SNAP29: variants seen among roughly 807,000 people sequenced by gnomAD.
The protein encoded by SNAP29 is synaptosomal-associated protein 29.
In SNAP29, 13 loss-of-function variants were observed where a neutral mutation model predicts 27.9. The ratio of observed to expected loss-of-function variants is 0.47; its 90% confidence interval spans 0.30 to 0.74. SNAP29 has a LOEUF of 0.74. SNAP29 is among the 30% of genes least tolerant of loss of function. The pLI, the probability that SNAP29 is intolerant of heterozygous loss-of-function variation, is 0.06. For missense variants in SNAP29, 368 were observed against 336.5 expected (o/e 1.09, Z -0.73); for synonymous variants, 119 against 127.1 (o/e 0.94, Z 0.43).
intron 2 of SNAP29, among the ~76,000 whole-genome samples, chr22:20,875,394 C>G (rs1326397337): frequency 6.6e-6 from 1 of 152,226 alleles, no homozygotes; most frequent in Non-Finnish European, 1.5e-5. Context: ...CACCCACACT[C>G]TGCAGTTCTG....
Position 20,859,130 on chromosome 22 carries a change from G to C in SNAP29, c.20G>C (p.Ser7Thr). 1.9e-6 allele frequency: 3 copies of C among 1,607,958 alleles called. No individual in the cohort carries two copies. The highest frequency in any genetic ancestry group is 4.5e-5 in the East Asian group (2 of 44,740). MSAYPK[S>T]YNPFDDDGED... The stretch of plus-strand genomic sequence containing the variant: ...GGCACCATGTCAGCTTACCCTAAAA[G>C]CTACAATCCGTTCGACGACGACGGG... Residue 7 changes from serine (S) to threonine (T), a missense_variant, in exon 1 of 5, where the codon AGC (serine) becomes ACC (threonine). By Grantham distance (58) the Ser-to-Thr change is moderately conservative. Coordinates refer to ENST00000215730, the MANE Select transcript of SNAP29 (RefSeq NM_004782.4).
intron 2 of SNAP29, among the ~76,000 whole-genome samples, chr22:20,871,259 TAGG>T (rs1039538455): frequency 6.7e-6 from 1 of 149,810 alleles, no homozygotes; most frequent in African/African-American, 2.5e-5. Context: ...GAGGCTAAGG[TAGG>T]AGGATTGTTT....
chr22:20,883,711 C>A, intron 4 of SNAP29, 142 bp downstream of exon 4: 1 of 713,542 alleles, frequency 1.4e-6, no homozygotes. Flanking sequence ...TCCATCTTGC[C>A]ACCTCACTGT....
intron 2 of SNAP29, 81 bp from the exon 3 acceptor site, chr22:20,880,968 A>G: frequency 1.1e-6 from 1 of 890,446 alleles, no homozygotes; most frequent in Non-Finnish European, 1.9e-6. Flanking sequence ...GCACACAGGC[A>G]TTATGTGAAA....
At chr22:20,874,352 CA>C (rs1569117991) in intron 2 of SNAP29, among the ~76,000 whole-genome samples, 87 of 53,686 alleles carry the variant, frequency 1.6e-3, no homozygotes, top group East Asian at 0.013. Flanking sequence ...AAATTAGCCA[CA>C]CACACACACA....
chr22:20,875,997 TA>T (rs551060194), intron 2 of SNAP29, among the ~76,000 whole-genome samples: 182 of 151,872 alleles, frequency 1.2e-3, no homozygotes, highest in Non-Finnish European at 2.4e-3. Context: ...CCGTCTCTAC[TA>T]AAAATACAAA....
intron 4 of SNAP29, among the ~76,000 whole-genome samples, chr22:20,887,442 C>T (rs890120333): frequency 6.6e-6 from 1 of 151,942 alleles, no homozygotes; most frequent in Non-Finnish European, 1.5e-5. Context: ...CTCCCTACCC[C>T]CAGCGTGCAC....
At chr22:20,860,382 T>C (rs931456713) in intron 1 of SNAP29, among the ~76,000 whole-genome samples, 4 of 150,366 alleles carry the variant, frequency 2.7e-5, no homozygotes. Flanking sequence ...TTTTTTTTTT[T>C]TTTTTGAGAT....
At chr22:20,861,506 C>G (rs957623842) in intron 1 of SNAP29, among the ~76,000 whole-genome samples, 1 of 151,454 alleles carries the variant, frequency 6.6e-6, no homozygotes, top group Non-Finnish European at 1.5e-5. Context: ...GGTGTGATCT[C>G]GGCTCACTGC....
chr22:20,879,700 G>C (rs567089648), intron 2 of SNAP29, among the ~76,000 whole-genome samples: 4 of 151,470 alleles, frequency 2.6e-5, no homozygotes, highest in Admixed American at 2.6e-4. Flanking sequence ...ACAAAAAATA[G>C]CCAGGTGTGG....
intron 1 of SNAP29, among the ~76,000 whole-genome samples, chr22:20,862,133 T>G (rs1187474499): frequency 6.6e-6 from 1 of 152,200 alleles, no homozygotes; most frequent in African/African-American, 2.4e-5. Flanking sequence ...ATTCCTATGT[T>G]CCATTCTAAA....
Position 20,861,481 on chromosome 22 carries a change from A to G in SNAP29, c.237+2134A>G, listed in dbSNP as rs192861378. Among the ~76,000 whole-genome samples the G allele has an allele frequency of 3.5e-4, 53 of 152,110 alleles. 1 individual carries two copies. The East Asian group carries it at 0.01, about 30-fold the overall frequency. ...GAGACAAAGTCTTACTCTGTCACCC[A>G]GGCTGGAGTGCGATGGTGTGATCTC... is the stretch of plus-strand genomic sequence containing the variant. On this transcript the variant is annotated intron_variant, in intron 1 of 4. Transcript: ENST00000215730.
intron 1 of SNAP29, among the ~76,000 whole-genome samples, chr22:20,862,002 T>C (rs1462396307): frequency 6.6e-6 from 1 of 152,154 alleles, no homozygotes; most frequent in Admixed American, 6.5e-5. Context: ...ACGCCTGACC[T>C]TAGGTGATCT....
Position 20,888,193 on chromosome 22 carries a change from C to T in SNAP29, c.*357C>T. On this transcript the variant is annotated 3_prime_UTR_variant, in exon 5 of 5. Transcript: ENST00000215730. ...GGGAACAGAATTTCAGTCTTGCAGC[C>T]ATGAGCCTCTATTTCTCATTCCTAA... 1 of 347,204 alleles carries T rather than the reference C, an allele frequency of 2.9e-6. No homozygotes were observed. Among genetic ancestry groups the T allele is most frequent in the Non-Finnish European group, 5.6e-6 (1 of 180,152 alleles). The allele number at this position is 347,204 out of a possible 1,614,324, so 21.5% of individuals were successfully genotyped here.
intron 2 of SNAP29, among the ~76,000 whole-genome samples, chr22:20,879,108 C>T (rs985616092): frequency 2.6e-5 from 4 of 151,964 alleles, no homozygotes; most frequent in Admixed American, 2.6e-4. Context: ...GAGATCGAGA[C>T]CATTCCGGCT....
intron 2 of SNAP29, 104 bp from the exon 3 acceptor site, chr22:20,880,945 C>G: frequency 1.3e-6 from 1 of 757,198 alleles, no homozygotes; most frequent in Admixed American, 2.1e-5. Context: ...ACAGAGGAGG[C>G]ATTTGATTTT....
rs361606 is a variant in SNAP29 at position 20,890,758 on chromosome 22, CAAAAAA to C, written c.*2939_*2944del. 2 of 88,618 alleles carry C rather than the reference CAAAAAA, an allele frequency of 2.3e-5. No homozygotes were observed. Among genetic ancestry groups the C allele is most frequent in the Admixed American group, 1.5e-4 (1 of 6,832 alleles). 5.5% of individuals were successfully genotyped at this position (88,618 alleles called of 1,614,324 possible). On this transcript the variant is annotated 3_prime_UTR_variant, in exon 5 of 5. Coordinates refer to ENST00000215730, the MANE Select transcript of SNAP29 (RefSeq NM_004782.4). ...TGGGCAACAGAGCAAGACTCCGTCT[CAAAAAA>C]AAAAAAAAAAAAAAAATAGTGCACT...
In SNAP29 at chr22:20,887,759, C is replaced by T; in HGVS notation, c.700C>T (p.Leu234Phe). 2 of 1,614,188 alleles carry T rather than the reference C, an allele frequency of 1.2e-6. No homozygotes were observed. The highest frequency in any genetic ancestry group is 1.7e-6 in the Non-Finnish European group (2 of 1,180,034). The change falls in exon 5 of 5, where the codon CTT becomes TTT. Residue 234 changes from leucine (L) to phenylalanine (F), a missense_variant. Physicochemically the swap from Leu to Phe is conservative, Grantham distance 22. Transcript: ENST00000215730. The part of the protein sequence containing the change: ...QTEIEEQDDI[L>F]DRLTTKVDKL... Reference sequence around the variant, plus strand: ...AGAAATTGAGGAGCAAGATGACATTCTTGACCGGCTGACAACCAAAGTGGA... The same window carrying T: ...AGAAATTGAGGAGCAAGATGACATTTTTGACCGGCTGACAACCAAAGTGGA...
At chr22:20,875,169 T>TA (rs1333265370) in intron 2 of SNAP29, among the ~76,000 whole-genome samples, 3 of 152,108 alleles carry the variant, frequency 2.0e-5, no homozygotes, top group Non-Finnish European at 4.4e-5. Context: ...GAGGCAGCCA[T>TA]AGTTATTTCA....
Sources: gnomAD v4.1 joint callset for allele counts (sites outside exome capture counted in the v4.1 genomes callset) on GRCh38, gnomAD v4.1.1 for gene constraint, MANE v1.5 for transcripts, NCBI Gene and HGNC (gene_info 2026-07-23, HGNC 2026-07-21) for gene names.